COL28A1: variants seen among roughly 807,000 people sequenced by gnomAD.
COL28A1 encodes collagen alpha-1(XXVIII) chain.
In COL28A1, 161 loss-of-function variants were observed where a neutral mutation model predicts 150.2. The observed-to-expected ratio is 1.07, with a 90% confidence interval of 0.94 to 1.22. COL28A1 has a LOEUF of 1.22. Among genes scored for constraint, COL28A1 ranks in the 50% most tolerant of loss-of-function variants. COL28A1 has a pLI of 0.00. For synonymous variants in COL28A1, 552 were observed against 469.7 expected, an observed-to-expected ratio of 1.18 and a Z score of -2.26; for missense variants, 1,617 against 1,388.3, an observed-to-expected ratio of 1.16 and a Z score of -2.62.
intron 25 of COL28A1, among the ~76,000 whole-genome samples, chr7:7,427,752 G>A (rs1330768932): frequency 2.0e-5 from 3 of 152,088 alleles, no homozygotes; most frequent in Non-Finnish European, 4.4e-5. Context: ...ACTCTTTTGG[G>A]TTTGGGGTTT....
intron 15 of COL28A1, among the ~76,000 whole-genome samples, chr7:7,460,919 G>A (rs976043655): frequency 2.0e-5 from 3 of 152,068 alleles, no homozygotes; most frequent in African/African-American, 7.2e-5. Flanking sequence ...GGACTAGATC[G>A]CAGCTCCCAC....
the COL28A1 span, among the ~76,000 whole-genome samples, chr7:7,346,262 T>C: frequency 6.6e-6 from 1 of 151,980 alleles, no homozygotes; most frequent in Non-Finnish European, 1.5e-5. Context: ...TTAAGAAATG[T>C]ATTCAACTTT....
At chr7:7,355,186 T>A (rs531604469), downstream of COL28A1, among the ~76,000 whole-genome samples, 1 of 152,240 alleles carries the variant, frequency 6.6e-6, no homozygotes, top group East Asian at 1.9e-4. Context: ...TACATAGGAA[T>A]TCCAAGAACT....
At chr7:7,504,600 C>G (rs772703597) in intron 11 of COL28A1, among the ~76,000 whole-genome samples, 1 of 152,220 alleles carries the variant, frequency 6.6e-6, no homozygotes. Flanking sequence ...CCACGACCTG[C>G]ATCACCCAAA....
chr7:7,434,924 C>A (rs968793655), intron 23 of COL28A1, among the ~76,000 whole-genome samples: 1 of 152,168 alleles, frequency 6.6e-6, no homozygotes, highest in Non-Finnish European at 1.5e-5. Flanking sequence ...TAGGGGGCAT[C>A]TGGGAGACCC....
At chr7:7,374,038 A>AAAAAAAAAAAATAT in intron 31 of COL28A1, among the ~76,000 whole-genome samples, 4 of 113,626 alleles carry the variant, frequency 3.5e-5, no homozygotes, top group African/African-American at 1.5e-4. Flanking sequence ...AAAAAAAAAA[A>AAAAAAAAAAAATAT]ATATATATAT....
chr7:7,465,188 G>C (rs1035659250), intron 15 of COL28A1, among the ~76,000 whole-genome samples: 2 of 151,976 alleles, frequency 1.3e-5, no homozygotes, highest in Non-Finnish European at 2.9e-5. Flanking sequence ...ATTTCCATCT[G>C]AGGTACCGGG....
intron 15 of COL28A1, among the ~76,000 whole-genome samples, chr7:7,474,072 T>A (rs1016239512): frequency 1.4e-5 from 2 of 146,356 alleles, no homozygotes; most frequent in African/African-American, 5.0e-5. Flanking sequence ...ATATATGGAA[T>A]ATATATATAT....
the COL28A1 span, among the ~76,000 whole-genome samples, chr7:7,543,260 A>G: frequency 1.4e-4 from 21 of 152,194 alleles, no homozygotes; most frequent in Admixed American, 1.1e-3. Context: ...CCTCTTCTTG[A>G]ACAAGTAAGA....
intron 23 of COL28A1, among the ~76,000 whole-genome samples, chr7:7,432,967 A>ACC (rs60746599): frequency 9.4e-3 from 1 of 106 alleles, no homozygotes; most frequent in African/African-American, 0.056. Flanking sequence ...TGGGATAACT[A>ACC]GTTTCCTATT....
chr7:7,526,314 T>A (rs1782019571), intron 3 of COL28A1, among the ~76,000 whole-genome samples: 1 of 152,184 alleles, frequency 6.6e-6, no homozygotes, highest in Non-Finnish European at 1.5e-5. Flanking sequence ...GCAAATGAAA[T>A]ACTACTCGGC....
At chr7:7,455,850 C>T (rs1787120853) in intron 16 of COL28A1, among the ~76,000 whole-genome samples, 194 bp downstream of exon 16, 1 of 152,140 alleles carries the variant, frequency 6.6e-6, no homozygotes, top group South Asian at 2.1e-4. Flanking sequence ...TTTTTTAAGC[C>T]TTTGGAAGTT....
intron 9 of COL28A1, among the ~76,000 whole-genome samples, chr7:7,510,521 G>A (rs1781072430): frequency 6.6e-6 from 1 of 152,198 alleles, no homozygotes; most frequent in Non-Finnish European, 1.5e-5. Flanking sequence ...CTGACCTCAG[G>A]TGATCCACCC....
chr7:7,440,881 A>C lies in COL28A1; in HGVS notation c.1651-20T>G. The stretch of plus-strand genomic sequence containing the variant: ...GTCACCCTAACAAAATAATTATGAA[A>C]ATATAGATTTTCGTATGGTATTAGC... On this transcript the variant is annotated intron_variant, in intron 20 of 34. Coordinates refer to ENST00000399429, the MANE Select transcript of COL28A1 (RefSeq NM_001037763.3). 1 of 1,312,864 alleles carries C rather than the reference A, an allele frequency of 7.6e-7. No homozygotes were observed. Among genetic ancestry groups the C allele is most frequent in the Non-Finnish European group, 1.1e-6 (1 of 906,326 alleles). The allele number at this position is 1,312,864 out of a possible 1,614,324, so 81.3% of individuals were successfully genotyped here.
rs67184564 is a variant in COL28A1 at position 7,517,987 on chromosome 7, C to CA, written c.814-151dup. 9.8e-3 allele frequency: 5,061 copies of CA among 517,842 alleles called. 25 individuals are homozygous for CA. The highest frequency in any genetic ancestry group is 0.037 in the African/African-American group (1,590 of 42,940). The allele number at this position is 517,842 out of a possible 1,614,324, so 32.1% of individuals were successfully genotyped here. ...TGACATTTTCACTATGCAATCTAGG[C>CA]AAAAAAAAAAAAAAAATAGCAACTC... is the stretch of plus-strand genomic sequence containing the variant. On this transcript the variant is annotated intron_variant, in intron 6 of 34. Transcript: ENST00000399429.
intron 9 of COL28A1, among the ~76,000 whole-genome samples, chr7:7,509,781 T>A (rs949499649): frequency 7.2e-5 from 11 of 152,194 alleles, no homozygotes; most frequent in African/African-American, 2.4e-4. Context: ...TGACTTTCAT[T>A]TCTATTCTAT....
intron 13 of COL28A1, 125 bp downstream of exon 13, chr7:7,489,264 T>G (rs1779787540): frequency 3.1e-6 from 2 of 652,566 alleles, no homozygotes. Context: ...TGAGATTCCG[T>G]CTCAAAAAAA....
chr7:7,426,759 T>G (rs1784659975), intron 25 of COL28A1, among the ~76,000 whole-genome samples: 1 of 152,252 alleles, frequency 6.6e-6, no homozygotes, highest in Non-Finnish European at 1.5e-5. Flanking sequence ...AACTTCTTAT[T>G]TTTTCCTTTT....
chr7:7,463,913 G>C (rs1225319310), intron 15 of COL28A1, among the ~76,000 whole-genome samples: 1 of 152,138 alleles, frequency 6.6e-6, no homozygotes. Flanking sequence ...GCCTTCAAGA[G>C]ACTCACCTAA....
Sources: gnomAD v4.1 joint callset for allele counts (sites outside exome capture counted in the v4.1 genomes callset) on GRCh38, gnomAD v4.1.1 for gene constraint, MANE v1.5 for transcripts, NCBI Gene and HGNC (gene_info 2026-07-23, HGNC 2026-07-21) for gene names.